IKBIP: variants seen among roughly 807,000 people sequenced by gnomAD.
IKBIP encodes the protein inhibitor of nuclear factor kappa-B kinase-interacting protein.
IKBIP carries 28 observed loss-of-function variants against 31.0 expected under a neutral mutation model. The observed-to-expected ratio is 0.90, with a 90% CI of 0.67 to 1.24. The LOEUF is 1.24. Among genes scored for constraint, IKBIP ranks in the 50% most tolerant of loss-of-function variants. The pLI is 0.00. For synonymous variants in IKBIP, 164 were observed against 160.3 expected (o/e 1.02, Z -0.17); for missense variants, 453 against 441.9 (o/e 1.03, Z -0.23).
downstream of IKBIP, among the ~76,000 whole-genome samples, chr12:98,622,329 C>G (rs1250922398): frequency 6.6e-6 from 1 of 152,060 alleles, no homozygotes; most frequent in South Asian, 2.1e-4. Flanking sequence ...AGTTTGAGAC[C>G]AGCCTGGGCA....
At chr12:98,643,183 C>T (rs1332748071) in intron 1 of IKBIP, among the ~76,000 whole-genome samples, 1 of 151,806 alleles carries the variant, frequency 6.6e-6, no homozygotes, top group Admixed American at 6.6e-5. Context: ...GAACTCCTGA[C>T]CTCATGATCT....
At chr12:98,639,048 T>C (rs1461178103) in intron 1 of IKBIP, among the ~76,000 whole-genome samples, 2 of 152,136 alleles carry the variant, frequency 1.3e-5, no homozygotes, top group African/African-American at 4.8e-5. Flanking sequence ...CCCCTTTTTT[T>C]TCTCTTTTTG....
At chr12:98,630,064 C>T (rs111670081) in intron 2 of IKBIP, among the ~76,000 whole-genome samples, 8,466 of 152,050 alleles carry the variant, frequency 0.056, 661 homozygotes, top group African/African-American at 0.17. Flanking sequence ...TAAGCCACCA[C>T]ACCGGGTCTC....
chr12:98,614,059 T>G (rs1217406671), exon 3 of IKBIP: 16 of 1,612,346 alleles, frequency 9.9e-6, no homozygotes, highest in Non-Finnish European at 1.4e-5. Context: ...GCACAGAATC[T>G]GTCAATGATA....
At chr12:98,632,499 AAAAAAAAAAAAAAAT>A (rs1263837458) in intron 2 of IKBIP, among the ~76,000 whole-genome samples, 98 of 64,728 alleles carry the variant, frequency 1.5e-3, no homozygotes, top group Middle Eastern at 5.7e-3. Context: ...AAAAAAAAAA[AAAAAAAAAAAAAAAT>A]ATATATATAT....
intron 2 of IKBIP, among the ~76,000 whole-genome samples, chr12:98,634,068 G>T (rs2097623515): frequency 6.6e-6 from 1 of 152,076 alleles, no homozygotes; most frequent in Admixed American, 6.6e-5. Context: ...GAACAAATTG[G>T]TCTTTTTCAA....
At chr12:98,644,272 C>G (rs1326870488) in intron 1 of IKBIP, among the ~76,000 whole-genome samples, 1 of 152,154 alleles carries the variant, frequency 6.6e-6, no homozygotes, top group Non-Finnish European at 1.5e-5. Flanking sequence ...ATGGCTCGTT[C>G]CCAAACCTTA....
intron 2 of IKBIP, among the ~76,000 whole-genome samples, chr12:98,632,620 A>ATT (rs35887973): frequency 0.05 from 4,502 of 90,840 alleles, 230 homozygotes; most frequent in African/African-American, 0.07. Flanking sequence ...CCAGATTCCA[A>ATT]TTTTTTTTTT....
rs1226871734 is a variant in IKBIP at position 98,618,415 on chromosome 12, A to C, written c.298-4075T>G. 3.3e-5 allele frequency among the ~76,000 whole-genome samples: 5 copies of C among 151,874 alleles called. No individual in the cohort carries two copies. The East Asian group carries it at 9.8e-4, about 30-fold the overall frequency. On this transcript the variant is annotated intron_variant, in intron 2 of 2. Transcript: ENST00000342502. ...GCCGAGGTGGGCGGATCACAAGGTC[A>C]AGAGATCGAGACCATCCTGGCTAAT...
At chr12:98,619,688 G>A (rs1441089251), downstream of IKBIP, among the ~76,000 whole-genome samples, 1 of 151,776 alleles carries the variant, frequency 6.6e-6, no homozygotes, top group Non-Finnish European at 1.5e-5. Context: ...GGGGTGGATG[G>A]GTCACTTGAG....
At chr12:98,630,376 CAAAAAAAAAAAAAAAAAAAAAAA>C (rs61623957) in intron 2 of IKBIP, among the ~76,000 whole-genome samples, 8 of 41,314 alleles carry the variant, frequency 1.9e-4, no homozygotes, top group South Asian at 8.6e-4. Context: ...AGAGCCTGGG[CAAAAAAAAAAAAAAAAAAAAAAA>C]AAAAAAAAAA....
intron 2 of IKBIP, among the ~76,000 whole-genome samples, chr12:98,616,690 A>G (rs575194430): frequency 1.3e-5 from 2 of 152,296 alleles, no homozygotes; most frequent in East Asian, 3.9e-4. Context: ...GTCCAGTTTC[A>G]TTCTTCTGCA....
intron 2 of IKBIP, among the ~76,000 whole-genome samples, chr12:98,629,453 G>C (rs1437319133): frequency 6.6e-6 from 1 of 152,122 alleles, no homozygotes; most frequent in African/African-American, 2.4e-5. Context: ...CAGCTACTTG[G>C]GAGGCTGAGG....
chr12:98,620,279 A>G (rs373225669), downstream of IKBIP, among the ~76,000 whole-genome samples: 5 of 152,082 alleles, frequency 3.3e-5, no homozygotes, highest in African/African-American at 7.2e-5. Context: ...GCTGTCCTGT[A>G]ATGTTAAACA....
chr12:98,634,095 A>G (rs2097623530), intron 2 of IKBIP, among the ~76,000 whole-genome samples: 1 of 152,202 alleles, frequency 6.6e-6, no homozygotes, highest in Non-Finnish European at 1.5e-5. Flanking sequence ...AAATTATCAT[A>G]TTAAAAAATC....
intron 2 of IKBIP, among the ~76,000 whole-genome samples, chr12:98,615,377 T>A (rs1326897585): frequency 6.6e-6 from 1 of 151,978 alleles, no homozygotes; most frequent in Non-Finnish European, 1.5e-5. Flanking sequence ...GTACCACAGT[T>A]GTGTGCCACC....
In IKBIP at chr12:98,624,252, C is replaced by G. The variant is rs2097612285; in HGVS notation, c.*1678G>C. 1 of 969,768 alleles carries G rather than the reference C, an allele frequency of 1.0e-6. No individual in the cohort carries two copies. The highest frequency in any genetic ancestry group is 4.8e-5 in the South Asian group (1 of 20,936). 60.1% of individuals were successfully genotyped at this position (969,768 alleles called of 1,614,324 possible). A position where few individuals can be genotyped will look rare whatever the true frequency, so the allele number is the denominator to read the frequency against. Reference sequence around the variant, plus strand: ...GTTAAAACAACAAAGTTCCAGCTTACTTTATAATCTATTTTATTACCATTA... The same window carrying G: ...GTTAAAACAACAAAGTTCCAGCTTAGTTTATAATCTATTTTATTACCATTA... On this transcript the variant is annotated 3_prime_UTR_variant, in exon 3 of 3. Transcript: ENST00000299157.
intron 1 of IKBIP, among the ~76,000 whole-genome samples, chr12:98,641,036 C>T (rs1037695149): frequency 2.0e-4 from 30 of 152,206 alleles, no homozygotes; most frequent in Non-Finnish European, 7.3e-5. Context: ...GCTGGGATTA[C>T]AGGTGGGAGC....
intron 2 of IKBIP, among the ~76,000 whole-genome samples, chr12:98,616,047 A>G (rs1288561465): frequency 6.6e-6 from 1 of 150,600 alleles, no homozygotes; most frequent in Non-Finnish European, 1.5e-5. Flanking sequence ...GATTATTCTT[A>G]GTTTTTTTTT....
Sources: allele counts gnomAD v4.1 joint callset (sites outside exome capture counted in the v4.1 genomes callset), GRCh38; gene constraint gnomAD v4.1.1; transcripts MANE v1.5; gene names NCBI Gene and HGNC (gene_info 2026-07-23, HGNC 2026-07-21).